The following ASIC1 variants were observed in gnomAD, a reference collection of about 807,000 sequenced individuals.
The protein encoded by ASIC1 is acid-sensing ion channel 1.
ASIC1 carries 21 observed loss-of-function variants against 63.4 expected under a neutral mutation model. The observed-to-expected ratio is 0.33, with a 90% CI of 0.23 to 0.48. The LOEUF (loss-of-function observed/expected upper bound fraction) is 0.48. Ranked by LOEUF, ASIC1 falls within the 20% of genes least tolerant of loss-of-function variation. The pLI is 0.99. For synonymous variants in ASIC1, 258 were observed against 278.2 expected (o/e 0.93, Z 0.72); for missense variants, 478 against 695.5 (o/e 0.69, Z 3.52).
At chr12:50,070,065 C>T (rs1003091360) in intron 3 of ASIC1, among the ~76,000 whole-genome samples, 1 of 151,988 alleles carries the variant, frequency 6.6e-6, no homozygotes, top group Non-Finnish European at 1.5e-5. Flanking sequence ...TGAGGGGTGG[C>T]TGGAATGAAG....
chr12:50,082,002 A>G lies in ASIC1; in HGVS notation c.*353A>G, dbSNP rs2137855036. On this transcript the variant is annotated 3_prime_UTR_variant, in exon 12 of 12. Coordinates refer to ENST00000447966, the MANE Select transcript of ASIC1 (RefSeq NM_001095.4). The stretch of plus-strand genomic sequence containing the variant: ...CATCTACATTCTGCTGCCACCAGTC[A>G]CCAAAGGCCCTTCCCAGTGAGGGGT... 1 of 263,778 alleles carries G rather than the reference A, an allele frequency of 3.8e-6. No individual in the cohort carries two copies. The highest frequency in any genetic ancestry group is 1.3e-3 in the Middle Eastern group (1 of 794). 16.3% of individuals were successfully genotyped at this position (263,778 alleles called of 1,614,324 possible).
At chr12:50,075,667 G>A (rs772900278) in intron 3 of ASIC1, among the ~76,000 whole-genome samples, 4 of 152,194 alleles carry the variant, frequency 2.6e-5, no homozygotes, top group East Asian at 1.9e-4. Context: ...GGCAAAGACC[G>A]TATTCCCTAG....
intron 11 of ASIC1, 87 bp downstream of exon 11, chr12:50,081,451 C>A: frequency 2.1e-6 from 2 of 942,666 alleles, no homozygotes; most frequent in Non-Finnish European, 1.6e-6. Flanking sequence ...CCCGCCTCTG[C>A]CACCACCTTC....
At chr12:50,075,678 TAACC>T (rs1950648550) in intron 3 of ASIC1, among the ~76,000 whole-genome samples, 2 of 152,190 alleles carry the variant, frequency 1.3e-5, no homozygotes, top group African/African-American at 4.8e-5. Flanking sequence ...TATTCCCTAG[TAACC>T]TACTGCCATT....
chr12:50,081,151 G>T lies in ASIC1; in HGVS notation c.1347G>T (p.Thr449=), dbSNP rs760314993. The T allele has an allele frequency of 1.2e-6, 2 of 1,612,376 alleles. No individual in the cohort carries two copies. The highest frequency in any genetic ancestry group is 1.7e-6 in the Non-Finnish European group (2 of 1,179,442). ...TGTTCATCGGGGCCAGCATCCTCAC[G>T]GTGCTGGAGCTCTTTGACTACGCCT... The part of the protein sequence containing the change: ...MGLFIGASIL[T]VLELFDYAYE... Residue 449 remains threonine, a synonymous_variant, in exon 10 of 12, where the codon ACG becomes ACT. Coordinates refer to ENST00000447966, the MANE Select transcript of ASIC1 (RefSeq NM_001095.4).
Position 50,059,768 on chromosome 12 carries a change from A to G in ASIC1, c.372A>G (p.Ile124Met). The G allele has an allele frequency of 6.2e-7, 1 of 1,613,380 alleles. No individual in the cohort carries two copies. The highest frequency in any genetic ancestry group is 8.5e-7 in the Non-Finnish European group (1 of 1,179,628). The change falls in exon 3 of 12, where the codon ATA (isoleucine) becomes ATG (methionine). Residue 124 changes from isoleucine (I) to methionine (M), a missense_variant. Coordinates refer to ENST00000447966, the MANE Select transcript of ASIC1 (RefSeq NM_001095.4). The surrounding 1 kb of genome is among the most constrained non-coding windows in gnomAD (Gnocchi z 4.6). ...CACCCCCGGACCCCAGGTATGAGAT[A>G]CCAGACACACAGATGGCAGATGAAA... is the stretch of plus-strand genomic sequence containing the variant. Reference protein sequence around the residue: ...LLALLNNRYEIPDTQMADEKQ... With the variant: ...LLALLNNRYEMPDTQMADEKQ...
At chr12:50,071,293 G>A (rs536576226) in intron 3 of ASIC1, among the ~76,000 whole-genome samples, 19 of 138,718 alleles carry the variant, frequency 1.4e-4, no homozygotes, top group Non-Finnish European at 2.4e-4. Flanking sequence ...TTGAGACGGA[G>A]TCTTGCTCTG....
At chr12:50,077,850 C>CT in intron 4 of ASIC1, 150 bp from the exon 5 acceptor site, 1 of 1,148,934 alleles carries the variant, frequency 8.7e-7, no homozygotes, top group Non-Finnish European at 1.2e-6. Context: ...CAGAAGGAGG[C>CT]TAGGGGGTGG....
chr12:50,078,685 T>C lies in ASIC1; in HGVS notation c.994+108T>C, dbSNP rs1236145345. 9 of 1,506,518 alleles carry C rather than the reference T, an allele frequency of 6.0e-6. No homozygotes were observed. The highest frequency in any genetic ancestry group is 8.2e-6 in the Non-Finnish European group (9 of 1,102,280). 93.3% of individuals were successfully genotyped at this position (1,506,518 alleles called of 1,614,324 possible). On this transcript the variant is annotated intron_variant, in intron 6 of 11. Transcript: ENST00000447966. The surrounding 1 kb of genome is among the most constrained non-coding windows in gnomAD (Gnocchi z 6.0). ...CCAACCCCAGTTCCAGCCCACCCCA[T>C]CCCACACCCACCTGGCTCATGTCTC...
At chr12:50,060,581 G>A (rs1009263882) in intron 3 of ASIC1, among the ~76,000 whole-genome samples, 2 of 152,190 alleles carry the variant, frequency 1.3e-5, no homozygotes, top group African/African-American at 4.8e-5. Flanking sequence ...GCCGGCAAGA[G>A]CCGCAGAGCC....
chr12:50,071,574 G>A (rs978869809), intron 3 of ASIC1, among the ~76,000 whole-genome samples: 3 of 152,006 alleles, frequency 2.0e-5, no homozygotes, highest in Admixed American at 6.5e-5. Context: ...GAGCCACCAC[G>A]CCTGGCTGCT....
Position 50,073,733 on chromosome 12 carries a change from C to A in ASIC1, c.559-3480C>A, listed in dbSNP as rs1446769681. On this transcript the variant is annotated intron_variant, in intron 3 of 11. Transcript: ENST00000447966. ...GAGGAAGAAGAGAAGGAAAAGGAGG[C>A]AGTGAGGAAGGAGGCCAGTGAGGGG... 4 of 1,536,520 alleles carry A rather than the reference C, an allele frequency of 2.6e-6. No homozygotes were observed. The Admixed American group carries it at 5.9e-5, about 23-fold the overall frequency.
In ASIC1 at chr12:50,081,876, A is replaced by G. The variant is rs1271278018; in HGVS notation, c.*227A>G. Reference sequence around the variant, plus strand: ...ATCTAAAAAAGAACTAAAAAGGGAGAACGGGGCAAGGGACCTCAGGCTGCC... The same window carrying G: ...ATCTAAAAAAGAACTAAAAAGGGAGGACGGGGCAAGGGACCTCAGGCTGCC... On this transcript the variant is annotated 3_prime_UTR_variant, in exon 12 of 12. Transcript: ENST00000447966. The G allele has an allele frequency of 1.8e-6, 1 of 560,954 alleles. No individual in the cohort carries two copies. The highest frequency in any genetic ancestry group is 1.9e-5 in the African/African-American group (1 of 52,688). 34.7% of individuals were successfully genotyped at this position (560,954 alleles called of 1,614,324 possible). A position where few individuals can be genotyped will look rare whatever the true frequency, so the allele number is the denominator to read the frequency against.
chr12:50,074,480 T>A lies in ASIC1; in HGVS notation c.559-2733T>A, dbSNP rs79317192. 6.2e-4 allele frequency among the ~76,000 whole-genome samples: 94 copies of A among 152,250 alleles called. 2 individuals carry two copies. The East Asian group carries it at 0.013, about 22-fold the overall frequency. On this transcript the variant is annotated intron_variant, in intron 3 of 11. Transcript: ENST00000447966. This position sits in a 1 kb window ranked among gnomAD's most constrained non-coding sequence, Gnocchi z 4.2. ...TTTCCTGTTAGAATCTTGAAACACG[T>A]CTGTCTTAGTTGGTATTTTGCTGCT... is the stretch of plus-strand genomic sequence containing the variant.
chr12:50,077,105 C>T (rs1014324774), intron 3 of ASIC1, 108 bp from the exon 4 acceptor site: 2 of 1,556,690 alleles, frequency 1.3e-6, no homozygotes, highest in East Asian at 2.2e-5. Context: ...CGGGAGGAAC[C>T]ATTCCCAAAG....
Position 50,059,487 on chromosome 12 carries a change from A to C in ASIC1, c.363-272A>C, listed in dbSNP as rs1950480974. ...CTTTAAAGGGTAGAAACTACAGTAT[A>C]AAAGCCACAGCCCCTGCCTTGTCTC... On this transcript the variant is annotated intron_variant, in intron 2 of 11. Coordinates refer to ENST00000447966, the MANE Select transcript of ASIC1 (RefSeq NM_001095.4). This position sits in a 1 kb window ranked among gnomAD's most constrained non-coding sequence, Gnocchi z 4.6. 6.6e-6 allele frequency among the ~76,000 whole-genome samples: 1 copy of C among 152,170 alleles called. No homozygotes were observed. The highest frequency in any genetic ancestry group is 2.4e-5 in the African/African-American group (1 of 41,420).
At chr12:50,081,511 G>A (rs1489535877) in intron 11 of ASIC1, 34 bp from the exon 12 acceptor site, 2 of 1,610,534 alleles carry the variant, frequency 1.2e-6, no homozygotes, top group South Asian at 1.1e-5. Flanking sequence ...CCTTCCGAGG[G>A]ATAACCCGTC....
chr12:50,063,730 G>A (rs992493780), intron 3 of ASIC1, among the ~76,000 whole-genome samples: 1 of 152,130 alleles, frequency 6.6e-6, no homozygotes, highest in African/African-American at 2.4e-5. Flanking sequence ...GTAAGATGCT[G>A]CAATGAGAGG....
In ASIC1 at chr12:50,081,315, G is replaced by T; in HGVS notation, c.1433G>T (p.Ser478Ile). 6.2e-7 allele frequency: 1 copy of T among 1,611,268 alleles called. No individual in the cohort carries two copies. Among genetic ancestry groups the T allele is most frequent in the Non-Finnish European group, 8.5e-7 (1 of 1,178,758 alleles). ...RGKCQKEAKR[S>I]SADKGVALSL... ...AAATGCCAGAAGGAGGCCAAAAGGAGCAGTGCGGACAAGGGCGTGGCCCTC... is the reference window on the plus strand; with the variant it reads ...AAATGCCAGAAGGAGGCCAAAAGGATCAGTGCGGACAAGGGCGTGGCCCTC... The change falls in exon 11 of 12, where the codon AGC (serine) becomes ATC (isoleucine). Residue 478 changes from serine (S) to isoleucine (I), a missense_variant. Coordinates refer to ENST00000447966, the MANE Select transcript of ASIC1 (RefSeq NM_001095.4).
Sources: gnomAD v4.1 joint callset for allele counts (sites outside exome capture counted in the v4.1 genomes callset) on GRCh38, gnomAD v4.1.1 for gene constraint, Gnocchi (gnomAD v3.1) non-coding constraint, MANE v1.5 for transcripts, NCBI Gene and HGNC (gene_info 2026-07-23, HGNC 2026-07-21) for gene names.